CCDC171: variants seen among roughly 807,000 people sequenced by gnomAD.
CCDC171 encodes the protein coiled-coil domain-containing protein 171.
Under a neutral mutation model 168.2 loss-of-function variants are expected in CCDC171, and 177 were observed. The observed-to-expected ratio is 1.05, with a 90% CI of 0.93 to 1.19. CCDC171 has a LOEUF of 1.19. CCDC171 is among the 50% of genes most tolerant of loss of function. The probability of loss-of-function intolerance (pLI) is 0.00; values close to 1 mark genes in which losing one functional copy is unlikely to be tolerated. For synonymous variants in CCDC171, 687 were observed against 540.8 expected (o/e 1.27, Z -3.75); for missense variants, 1,991 against 1,539.0 (o/e 1.29, Z -4.91).
intron 21 of CCDC171, among the ~76,000 whole-genome samples, chr9:15,805,412 A>G (rs900688278): frequency 6.6e-6 from 1 of 152,090 alleles, no homozygotes; most frequent in Non-Finnish European, 1.5e-5. Context: ...ACACTGCTTT[A>G]GCTGCATCCC....
At chr9:15,585,107 G>C (rs1045585338) in intron 4 of CCDC171, among the ~76,000 whole-genome samples, 6 of 152,178 alleles carry the variant, frequency 3.9e-5, no homozygotes, top group Admixed American at 3.3e-4. Context: ...TATTGGTGAG[G>C]ATATAGAGCA....
the CCDC171 span, among the ~76,000 whole-genome samples, chr9:16,091,643 G>C: frequency 6.6e-6 from 1 of 152,188 alleles, no homozygotes; most frequent in African/African-American, 2.4e-5. Flanking sequence ...GAAAGGCTCA[G>C]ATTCAAGGTG....
intron 24 of CCDC171, among the ~76,000 whole-genome samples, chr9:15,912,720 C>G (rs1263352915): frequency 6.6e-6 from 1 of 152,114 alleles, no homozygotes; most frequent in Non-Finnish European, 1.5e-5. Flanking sequence ...CCATCAGTAC[C>G]TAGTTTATTG....
chr9:15,600,813 A>C lies in CCDC171; in HGVS notation c.675+6641A>C, dbSNP rs960866723. Among the ~76,000 whole-genome samples, 32 of 151,988 alleles carry C rather than the reference A, an allele frequency of 2.1e-4. 1 individual carries two copies. Among genetic ancestry groups the C allele is most frequent in the Non-Finnish European group, 4.3e-4 (29 of 67,970 alleles). Reference sequence around the variant, plus strand: ...TTCGAGCTTCCCGGCCACTTTGTTTACCTACTCAAGCCTCCACAATGGCGG... The same window carrying C: ...TTCGAGCTTCCCGGCCACTTTGTTTCCCTACTCAAGCCTCCACAATGGCGG... On this transcript the variant is annotated intron_variant, in intron 6 of 25. Coordinates refer to ENST00000380701, the MANE Select transcript of CCDC171 (RefSeq NM_173550.4).
chr9:15,627,742 G>T (rs111711940), intron 7 of CCDC171, among the ~76,000 whole-genome samples: 4,466 of 152,248 alleles, frequency 0.029, 213 homozygotes, highest in African/African-American at 0.1. Flanking sequence ...TTCCAACTTT[G>T]TGGTCAGTTT....
At chr9:15,652,718 G>A (rs773370934) in intron 7 of CCDC171, among the ~76,000 whole-genome samples, 1 of 152,206 alleles carries the variant, frequency 6.6e-6, no homozygotes, top group Non-Finnish European at 1.5e-5. Flanking sequence ...TGGGATTACA[G>A]GCGTGAGCCA....
intron 8 of CCDC171, among the ~76,000 whole-genome samples, chr9:15,663,715 C>G (rs540815575): frequency 6.6e-6 from 1 of 151,422 alleles, no homozygotes; most frequent in African/African-American, 2.4e-5. Context: ...ATGCCATTCT[C>G]CTGCCTCAGC....
At position 15,819,328 on chromosome 9, in the gene CCDC171, G is replaced by A. The variant is rs1326223564; in HGVS notation, c.3268-27374G>A. ...AGCTAACATCATAATGACAGGATCA[G>A]ATTCACACATAACAATATTAACCTT... On this transcript the variant is annotated intron_variant, in intron 21 of 25. Transcript: ENST00000380701. Among the ~76,000 whole-genome samples the A allele has an allele frequency of 4.3e-5, 5 of 117,006 alleles. 1 individual carries two copies. Among genetic ancestry groups the A allele is most frequent in the South Asian group, 5.6e-4 (2 of 3,546 alleles). 76.8% of individuals were successfully genotyped at this position (117,006 alleles called of 152,430 possible).
chr9:15,565,339 T>A (rs1231117625), intron 2 of CCDC171, among the ~76,000 whole-genome samples: 1 of 152,152 alleles, frequency 6.6e-6, no homozygotes, highest in Non-Finnish European at 1.5e-5. Flanking sequence ...TCTTACCACA[T>A]CAATGTATCA....
intron 24 of CCDC171, among the ~76,000 whole-genome samples, chr9:15,909,635 G>T (rs1421148051): frequency 6.6e-6 from 1 of 152,098 alleles, no homozygotes; most frequent in Non-Finnish European, 1.5e-5. Context: ...CGTGCTATTA[G>T]TAATAGGCCG....
At chr9:15,616,246 C>A (rs1455579074) in intron 6 of CCDC171, among the ~76,000 whole-genome samples, 1 of 152,040 alleles carries the variant, frequency 6.6e-6, no homozygotes, top group Non-Finnish European at 1.5e-5. Context: ...GCCACCACGC[C>A]CAGCCATTTC....
chr9:15,849,099 T>C, intron 23 of CCDC171, 152 bp downstream of exon 23: 1 of 481,974 alleles, frequency 2.1e-6, no homozygotes, highest in Non-Finnish European at 3.7e-6. Flanking sequence ...TTCCATTACA[T>C]GGTGCTATAT....
At chr9:15,655,164 C>G (rs561106419) in intron 7 of CCDC171, among the ~76,000 whole-genome samples, 19 of 105,904 alleles carry the variant, frequency 1.8e-4, no homozygotes, top group African/African-American at 6.8e-4. Flanking sequence ...CACATGCACC[C>G]TCAAACTTAA....
intron 25 of CCDC171, among the ~76,000 whole-genome samples, chr9:15,931,019 A>G (rs950780773): frequency 6.6e-6 from 1 of 151,632 alleles, no homozygotes; most frequent in Non-Finnish European, 1.5e-5. Flanking sequence ...TTTACTGTTA[A>G]CCATAGTCAC....
intron 21 of CCDC171, among the ~76,000 whole-genome samples, chr9:15,803,247 A>G (rs1335826476): frequency 6.6e-6 from 1 of 152,170 alleles, no homozygotes; most frequent in Admixed American, 6.5e-5. Flanking sequence ...TGCTGTGCAG[A>G]AGCTCTTTAG....
At chr9:15,742,189 G>T (rs1362011696) in intron 16 of CCDC171, among the ~76,000 whole-genome samples, 2 of 151,960 alleles carry the variant, frequency 1.3e-5, no homozygotes, top group African/African-American at 4.8e-5. Context: ...CAACTCTACT[G>T]CTAACCCTGG....
At chr9:15,721,702 A>T in intron 11 of CCDC171, 67 bp from the exon 12 acceptor site, 1 of 735,798 alleles carries the variant, frequency 1.4e-6, no homozygotes, top group Non-Finnish European at 2.1e-6. Flanking sequence ...TATCTCTGTT[A>T]CTATTTGCCT....
chr9:16,079,367 A>C, the CCDC171 span, among the ~76,000 whole-genome samples: 1 of 152,214 alleles, frequency 6.6e-6, no homozygotes, highest in Non-Finnish European at 1.5e-5. Context: ...AATCAAGTTA[A>C]AATGAGGTAA....
At chr9:15,975,313 A>AC (rs1831586948), downstream of CCDC171, among the ~76,000 whole-genome samples, 1 of 152,176 alleles carries the variant, frequency 6.6e-6, no homozygotes, top group Admixed American at 6.5e-5. Context: ...TCCAAAGTCC[A>AC]CATTATTTTG....
Sources: gnomAD v4.1 joint callset for allele counts (sites outside exome capture counted in the v4.1 genomes callset) on GRCh38, gnomAD v4.1.1 for gene constraint, MANE v1.5 for transcripts, NCBI Gene and HGNC (gene_info 2026-07-23, HGNC 2026-07-21) for gene names.